The following TRPM4 variants were observed in gnomAD, a reference collection of about 807,000 sequenced individuals.
The protein encoded by TRPM4 is calcium-activated non-selective cation channel 1.
A neutral mutation model predicts 135.6 loss-of-function variants in TRPM4; 124 were observed. The ratio of observed to expected loss-of-function variants is 0.91; its 90% CI spans 0.79 to 1.06. The LOEUF is 1.06. Ranked by LOEUF, TRPM4 falls within the 50% of genes least tolerant of loss-of-function variation. The pLI is 0.00. For synonymous variants in TRPM4, 745 were observed against 705.6 expected, an observed-to-expected ratio of 1.06 and a Z score of -0.88; for missense variants, 1,658 against 1,671.4, an observed-to-expected ratio of 0.99 and a Z score of 0.14.
intron 9 of TRPM4, among the ~76,000 whole-genome samples, chr19:49,180,096 T>C (rs554497523): frequency 2.0e-5 from 3 of 152,340 alleles, no homozygotes; most frequent in South Asian, 4.1e-4. Context: ...GATTATCTCT[T>C]TCTGTGGTAC....
intron 12 of TRPM4, among the ~76,000 whole-genome samples, chr19:49,184,199 A>C (rs1968109886): frequency 6.7e-6 from 1 of 149,512 alleles, no homozygotes. Flanking sequence ...TTCCTTTTGG[A>C]CTCTCATTAT....
intron 20 of TRPM4, among the ~76,000 whole-genome samples, chr19:49,208,370 T>C (rs1969228000): frequency 6.6e-6 from 1 of 151,824 alleles, no homozygotes; most frequent in African/African-American, 2.4e-5. Context: ...TGCTAAGTAG[T>C]GGGTGCTTTT....
At chr19:49,197,745 C>T (rs1241878448) in intron 17 of TRPM4, among the ~76,000 whole-genome samples, 6 of 151,202 alleles carry the variant, frequency 4.0e-5, no homozygotes, top group African/African-American at 1.5e-4. Flanking sequence ...TGCAGTGGTA[C>T]GATCTTGGCT....
At position 49,196,538 on chromosome 19, in the gene TRPM4, G is replaced by T. The variant is rs1198000169; in HGVS notation, c.2309G>T (p.Arg770Leu). ...GGRCGGRRCL[R>L]RWFHFWGAPV... ...CGCTGCGGGGGGCGCCGGTGCCTAC[G>T]CCGCTGGTTCCACTTCTGGGGCGCG... is the stretch of plus-strand genomic sequence containing the variant. The change falls in exon 17 of 25, where the codon CGC (arginine) becomes CTC (leucine). Residue 770 changes from arginine to leucine, a missense_variant. Transcript: ENST00000252826. The T allele has an allele frequency of 2.6e-6, 4 of 1,554,204 alleles. No homozygotes were observed. The highest frequency in any genetic ancestry group is 2.6e-6 in the Non-Finnish European group (3 of 1,153,356).
intron 3 of TRPM4, among the ~76,000 whole-genome samples, 164 bp downstream of exon 3, chr19:49,166,379 C>A (rs562412486): frequency 6.6e-5 from 10 of 152,256 alleles, no homozygotes; most frequent in African/African-American, 2.2e-4. Context: ...TGAGGGGGTC[C>A]CGTTCTCTCT....
chr19:49,210,437 A>C lies in TRPM4; in HGVS notation c.3328+32A>C, dbSNP rs746871701. The C allele has an allele frequency of 2.5e-6, 4 of 1,607,002 alleles. No individual in the cohort carries two copies. The South Asian group carries it at 4.4e-5, about 18-fold the overall frequency. ...ACAGAGCTTGGCTTAAAAAGGAGAA[A>C]TATAGGGGACCGGGAGCCTGGAAGG... On this transcript the variant is annotated intron_variant, in intron 21 of 24. Coordinates refer to ENST00000252826, the MANE Select transcript of TRPM4 (RefSeq NM_017636.4). The surrounding 1 kb of genome is among the most constrained non-coding windows in gnomAD (Gnocchi z 4.1).
chr19:49,203,794 C>T lies in TRPM4; in HGVS notation c.3131+1653C>T, dbSNP rs556027867. ...TTGTAGTGTGCATCAGAACTTCATT[C>T]ATTCCGTTTTATGAATGAGTAATAT... On this transcript the variant is annotated intron_variant, in intron 20 of 24. Transcript: ENST00000252826. Among the ~76,000 whole-genome samples, 28 of 152,300 alleles carry T rather than the reference C, an allele frequency of 1.8e-4. No homozygotes were observed. In the South Asian group the frequency reaches 5.8e-3, roughly 32 times the overall value.
In TRPM4 at chr19:49,196,742, G is replaced by A; in HGVS notation, c.2513G>A (p.Gly838Asp). 1 of 1,549,884 alleles carries A rather than the reference G, an allele frequency of 6.5e-7. No individual in the cohort carries two copies. Residue 838 changes from glycine to aspartate, a missense_variant, in exon 17 of 25, where the codon GGC becomes GAC. Physicochemically the swap from Gly to Asp is moderately conservative, Grantham distance 94. Transcript: ENST00000252826. ...CGCCAGGGCCTGAGCGGAGGCGGGG[G>A]CAGCCTCGCCAGCGGGGGCCCCGGG... ...ELRQGLSGGG[G>D]SLASGGPGPG...
intron 14 of TRPM4, among the ~76,000 whole-genome samples, 168 bp downstream of exon 14, chr19:49,189,259 A>C (rs1968320514): frequency 6.6e-6 from 1 of 152,174 alleles, no homozygotes; most frequent in African/African-American, 2.4e-5. Context: ...TTCCCATAAG[A>C]AGCCCCGCTC....
intron 17 of TRPM4, among the ~76,000 whole-genome samples, chr19:49,197,375 TTTTC>T (rs1329631425): frequency 0.011 from 1,565 of 147,040 alleles, 12 homozygotes; most frequent in Non-Finnish European, 0.018. Context: ...TCTCTCTTTC[TTTTC>T]TTTCTTTCTC....
intron 2 of TRPM4, 115 bp from the exon 3 acceptor site, chr19:49,165,926 C>T: frequency 1.8e-6 from 2 of 1,102,980 alleles, no homozygotes; most frequent in Non-Finnish European, 1.3e-6. Context: ...CTCTGCCTGC[C>T]TCTGTGGGTG....
chr19:49,191,115 G>A (rs1968395616), intron 16 of TRPM4, among the ~76,000 whole-genome samples: 1 of 152,104 alleles, frequency 6.6e-6, no homozygotes. Flanking sequence ...CCAAAGGGAT[G>A]GTGCTGAGCC....
At chr19:49,167,849 G>C in intron 3 of TRPM4, 68 bp from the exon 4 acceptor site, 1 of 1,426,830 alleles carries the variant, frequency 7.0e-7, no homozygotes, top group South Asian at 1.2e-5. Flanking sequence ...CGTCTCTCTG[G>C]GTCTCTGTCC....
rs750756191 is a variant in TRPM4 at position 49,200,675 on chromosome 19, C to G, written c.2843C>G (p.Thr948Arg). The G allele has an allele frequency of 1.9e-6, 3 of 1,613,992 alleles. No homozygotes were observed. Among genetic ancestry groups the G allele is most frequent in the Non-Finnish European group, 2.5e-6 (3 of 1,180,018 alleles). ...TGGCTGGTAGCCTATGGCGTGGCCA[C>G]GGAGGGGCTCCTGAGGCCACGGGAC... ...GVWLVAYGVA[T>R]EGLLRPRDSD... Residue 948 changes from threonine to arginine, a missense_variant, in exon 19 of 25, where the codon ACG becomes AGG. Physicochemically the swap from Thr to Arg is moderately conservative, Grantham distance 71. Around this residue, in one of 3 missense-constraint regions of TRPM4, gnomAD observed 1,412 missense variants for 1,408.7 expected, o/e 1.00. Coordinates refer to ENST00000252826, the MANE Select transcript of TRPM4 (RefSeq NM_017636.4).
At position 49,210,342 on chromosome 19, in the gene TRPM4, C is replaced by T; in HGVS notation, c.3265C>T (p.Leu1089Phe). 1 of 1,614,236 alleles carries T rather than the reference C, an allele frequency of 6.2e-7. No homozygotes were observed. The stretch of plus-strand genomic sequence containing the variant: ...CGTCATCTCCCACTTGCGCCTCCTG[C>T]TCAGGCAATTGTGCAGGCGACCCCG... ...FIVISHLRLLLRQLCRRPRSP... is the reference protein window; with the variant it reads ...FIVISHLRLLFRQLCRRPRSP... The change falls in exon 21 of 25, where the codon CTC becomes TTC. Residue 1089 changes from leucine to phenylalanine, a missense_variant. Around this residue, in one of 3 missense-constraint regions of TRPM4, gnomAD observed 1,412 missense variants for 1,408.7 expected, o/e 1.00. Transcript: ENST00000252826. The surrounding 1 kb of genome is among the most constrained non-coding windows in gnomAD (Gnocchi z 4.1).
chr19:49,197,320 CTT>C (rs762431297), intron 17 of TRPM4, among the ~76,000 whole-genome samples: 3,669 of 108,094 alleles, frequency 0.034, 175 homozygotes, highest in African/African-American at 0.14. Context: ...TTCTTTCTTT[CTT>C]TCTTTCTTTC....
rs3760663 is a variant in TRPM4, at chr19:49,157,855, G to A, written c.-12G>A. ...GCCCTGGGCTGCAGGAGGTTGCGGC[G>A]GCCGCGGCAGCATGGTGGTGCCGGA... On this transcript the variant is annotated 5_prime_UTR_variant, in exon 1 of 25. Coordinates refer to ENST00000252826, the MANE Select transcript of TRPM4 (RefSeq NM_017636.4). The A allele has an allele frequency of 0.27, 408,488 of 1,534,342 alleles. 58,096 individuals carry two copies. The highest frequency in any genetic ancestry group is 0.32 in the South Asian group (26,522 of 83,950).
intron 6 of TRPM4, among the ~76,000 whole-genome samples, chr19:49,169,340 C>T (rs55781556): frequency 1.5e-4 from 19 of 126,058 alleles, no homozygotes; most frequent in Admixed American, 4.5e-4. Flanking sequence ...GGCGCGATCT[C>T]GGCTCACTGC....
chr19:49,200,728 G>A lies in TRPM4; in HGVS notation c.2896G>A (p.Val966Ile), dbSNP rs1459184013. ...DSDFPSILRRVFYRPYLQIFG... is the reference protein window; with the variant it reads ...DSDFPSILRRIFYRPYLQIFG... ...TGACTTCCCAAGTATCCTGCGCCGC[G>A]TCTTCTACCGTCCCTACCTGCAGAT... Residue 966 changes from valine (V) to isoleucine (I), a missense_variant, in exon 19 of 25, where the codon GTC becomes ATC. Around this residue, in one of 3 missense-constraint regions of TRPM4, gnomAD observed 1,412 missense variants for 1,408.7 expected, o/e 1.00. Coordinates refer to ENST00000252826, the MANE Select transcript of TRPM4 (RefSeq NM_017636.4). The A allele has an allele frequency of 2.5e-6, 4 of 1,614,090 alleles. No individual in the cohort carries two copies. The highest frequency in any genetic ancestry group is 2.5e-6 in the Non-Finnish European group (3 of 1,180,026).
Sources: allele counts gnomAD v4.1 joint callset (sites outside exome capture counted in the v4.1 genomes callset), GRCh38; gene constraint gnomAD v4.1.1; regional missense constraint gnomAD v4.1.1; non-coding constraint Gnocchi (gnomAD v3.1); transcripts MANE v1.5; gene names NCBI Gene and HGNC (gene_info 2026-07-23, HGNC 2026-07-21).